NLRP11: variants seen among roughly 807,000 people sequenced by gnomAD.
The protein encoded by NLRP11 is NACHT, LRR and PYD domains-containing protein 11.
A neutral mutation model predicts 79.3 loss-of-function variants in NLRP11; 53 were observed. That is an observed-to-expected ratio of 0.67 (90% CI 0.54 to 0.84). The LOEUF (loss-of-function observed/expected upper bound fraction) is 0.84. Ranked by LOEUF, NLRP11 falls within the 40% of genes least tolerant of loss-of-function variation. The pLI, the probability that NLRP11 is intolerant of heterozygous loss-of-function variation, is 0.00. For synonymous variants in NLRP11, 518 were observed against 462.6 expected, an observed-to-expected ratio of 1.12 and a Z score of -1.54; for missense variants, 1,264 against 1,255.0, an observed-to-expected ratio of 1.01 and a Z score of -0.11.
intron 5 of NLRP11, among the ~76,000 whole-genome samples, chr19:55,797,636 T>C (rs2122754085): frequency 6.6e-6 from 1 of 152,306 alleles, no homozygotes; most frequent in East Asian, 1.9e-4. Flanking sequence ...TACTTCCTTA[T>C]GGGGCAGGCA....
chr19:55,822,747 G>C (rs1038399017), intron 1 of NLRP11, among the ~76,000 whole-genome samples: 2 of 152,104 alleles, frequency 1.3e-5, no homozygotes, highest in African/African-American at 4.8e-5. Context: ...TCCCACACCT[G>C]GCTCGGAGGG....
intron 2 of NLRP11, among the ~76,000 whole-genome samples, chr19:55,811,216 G>T (rs1980570918): frequency 6.6e-6 from 1 of 152,132 alleles, no homozygotes; most frequent in African/African-American, 2.4e-5. Flanking sequence ...CGTAAAGGGA[G>T]TCTTATTTCT....
chr19:55,830,541 G>GGATC (rs1982648884), intron 1 of NLRP11, among the ~76,000 whole-genome samples: 1 of 145,428 alleles, frequency 6.9e-6, no homozygotes. Context: ...CTGTGACATA[G>GGATC]GATCATTCAA....
intron 4 of NLRP11, among the ~76,000 whole-genome samples, chr19:55,802,651 TAGA>T (rs1479126109): frequency 6.6e-6 from 1 of 152,104 alleles, no homozygotes; most frequent in African/African-American, 2.4e-5. Context: ...TCACAGAAAC[TAGA>T]AGAACTATTT....
intron 4 of NLRP11, among the ~76,000 whole-genome samples, chr19:55,804,917 G>A (rs1299951022): frequency 6.6e-6 from 1 of 152,004 alleles, no homozygotes; most frequent in Admixed American, 6.6e-5. Context: ...ACAAAAATTA[G>A]CCAGGCGTGG....
At chr19:55,792,181 C>T (rs1272187278) in intron 7 of NLRP11, 120 bp downstream of exon 7, 5 of 816,744 alleles carry the variant, frequency 6.1e-6, no homozygotes, top group African/African-American at 3.4e-5. Flanking sequence ...GGAGCCCATG[C>T]TCCCGTACCC....
At chr19:55,827,828 G>A (rs199777571) in intron 1 of NLRP11, among the ~76,000 whole-genome samples, 2 of 146,674 alleles carry the variant, frequency 1.4e-5, no homozygotes, top group African/African-American at 5.2e-5. Flanking sequence ...GGACTGTAAA[G>A]TAGTTCATCC....
upstream of NLRP11, among the ~76,000 whole-genome samples, chr19:55,835,373 C>T (rs1464126995): frequency 6.6e-6 from 1 of 152,266 alleles, no homozygotes; most frequent in Non-Finnish European, 1.5e-5. Context: ...GCCTGTTCTG[C>T]CTACGCAGAA....
Position 55,809,542 on chromosome 19 carries a change from C to G in NLRP11, c.1068G>C (p.Gly356=). 1 of 1,614,180 alleles carries G rather than the reference C, an allele frequency of 6.2e-7. No homozygotes were observed. Among genetic ancestry groups the G allele is most frequent in the Non-Finnish European group, 8.5e-7 (1 of 1,180,024 alleles). ...TTTGGCAGCAGAGCTGGAAGTCACG[C>G]CCCTTGTCCATCTGCCGCTTCAGGA... is the stretch of plus-strand genomic sequence containing the variant. The change falls in exon 3 of 10, where the codon GGG becomes GGC. Residue 356 remains glycine, a synonymous_variant. Transcript: ENST00000589093. The surrounding 1 kb of genome is among the most constrained non-coding windows in gnomAD (Gnocchi z 4.5).
intron 9 of NLRP11, among the ~76,000 whole-genome samples, chr19:55,788,536 T>C (rs1420502360): frequency 3.3e-5 from 5 of 151,312 alleles, no homozygotes; most frequent in Admixed American, 6.6e-5. Context: ...GTCAGGAGAT[T>C]GAGACCACCC....
At chr19:55,828,663 G>T (rs1982455031) in intron 1 of NLRP11, among the ~76,000 whole-genome samples, 1 of 152,106 alleles carries the variant, frequency 6.6e-6, no homozygotes, top group African/African-American at 2.4e-5. Flanking sequence ...CTAGATGGAA[G>T]GAAAATGCAA....
At chr19:55,794,340 G>C (rs1822263881) in intron 6 of NLRP11, among the ~76,000 whole-genome samples, 3 of 152,174 alleles carry the variant, frequency 2.0e-5, no homozygotes, top group Admixed American at 2.0e-4. Context: ...TCTATTTGGA[G>C]TCTGATTATT....
chr19:55,797,908 A>G (rs1379622007), intron 5 of NLRP11, among the ~76,000 whole-genome samples: 1 of 152,228 alleles, frequency 6.6e-6, no homozygotes, highest in East Asian at 1.9e-4. Flanking sequence ...TACAACAAAC[A>G]GTGCAGCCGC....
chr19:55,818,141 G>A lies in NLRP11; in HGVS notation c.34C>T (p.Leu12=). The A allele has an allele frequency of 1.9e-6, 3 of 1,613,924 alleles. No homozygotes were observed. In the South Asian group the frequency reaches 3.3e-5, roughly 18 times the overall value. The change falls in exon 2 of 10, where the codon CTG becomes TTG. Residue 12 remains leucine (L), a synonymous_variant. Transcript: ENST00000589093. The stretch of plus-strand genomic sequence containing the variant: ...TCACTGAGATTCTCTAGATACCACA[G>A]CAGGTCAAAGTCAGTAGAATCCGAT...
At chr19:55,823,082 C>T (rs373085157) in intron 1 of NLRP11, among the ~76,000 whole-genome samples, 1 of 135,666 alleles carries the variant, frequency 7.4e-6, no homozygotes, top group Non-Finnish European at 1.6e-5. Flanking sequence ...CAGCAGACTG[C>T]CTCCTCAAGT....
chr19:55,796,826 T>C lies in NLRP11; in HGVS notation c.2172-576A>G, dbSNP rs111759606. The stretch of plus-strand genomic sequence containing the variant: ...GCCTCGGCCTCCCGAGTAGCTGGGA[T>C]TACAGGCATGCGTTACCACACCCGG... On this transcript the variant is annotated intron_variant, in intron 5 of 9. Coordinates refer to ENST00000589093, the Ensembl canonical transcript of NLRP11. Among the ~76,000 whole-genome samples the C allele has an allele frequency of 2.7e-3, 416 of 152,192 alleles. 2 individuals carry two copies. The highest frequency in any genetic ancestry group is 7.8e-3 in the African/African-American group (322 of 41,522).
chr19:55,792,499 A>G, intron 6 of NLRP11, 28 bp from the exon 7 acceptor site: 1 of 1,607,230 alleles, frequency 6.2e-7, no homozygotes, highest in Non-Finnish European at 8.5e-7. Flanking sequence ...TGAGTCAGTG[A>G]CAGTGTGAGC....
chr19:55,793,400 C>G (rs570586697), intron 6 of NLRP11, among the ~76,000 whole-genome samples: 3 of 151,732 alleles, frequency 2.0e-5, no homozygotes, highest in East Asian at 3.9e-4. Flanking sequence ...GAAACCCCGT[C>G]TCTGCTAAAA....
chr19:55,788,896 G>T, exon 9 of NLRP11: 1 of 1,613,894 alleles, frequency 6.2e-7, no homozygotes, highest in East Asian at 2.2e-5. Context: ...GAAGCAAGTT[G>T]AGTCTTTCTA....
Sources: gnomAD v4.1 joint callset for allele counts (sites outside exome capture counted in the v4.1 genomes callset) on GRCh38, gnomAD v4.1.1 for gene constraint, Gnocchi (gnomAD v3.1) non-coding constraint, MANE v1.5 for transcripts, NCBI Gene and HGNC (gene_info 2026-07-23, HGNC 2026-07-21) for gene names.